The following TBL1X variants were observed in gnomAD, a reference collection of about 807,000 sequenced individuals.
TBL1X encodes the protein transducin beta like 1 X-linked, also known as F-box-like/WD repeat-containing protein TBL1X.
In TBL1X, 10 loss-of-function variants were observed where a neutral mutation model predicts 50.7. The ratio of observed to expected loss-of-function variants is 0.20; its 90% CI spans 0.12 to 0.33. The LOEUF (loss-of-function observed/expected upper bound fraction) is 0.33. TBL1X is among the 10% of genes least tolerant of loss of function. TBL1X has a pLI of 1.00. For missense variants in TBL1X, 340 were observed against 504.4 expected (o/e 0.67, Z 3.12); for synonymous variants, 190 against 214.7 (o/e 0.88, Z 1.01).
intron 1 of TBL1X, among the ~76,000 whole-genome samples, chrX:9,475,063 G>A (rs1024939468): frequency 2.7e-5 from 3 of 111,306 alleles, no homozygotes; most frequent in East Asian, 2.8e-4. Context: ...TAGTAGAGAC[G>A]GGGTTTTGCC....
rs1271091847 is a variant in TBL1X, at chrX:9,718,250, G to C, written c.*2004G>C. The C allele has an allele frequency of 9.0e-6, 1 of 111,278 alleles. No individual in the cohort carries two copies. Among genetic ancestry groups the C allele is most frequent in the Non-Finnish European group, 1.9e-5 (1 of 53,083 alleles). 9.2% of individuals were successfully genotyped at this position (111,278 alleles called of 1,213,427 possible). On this transcript the variant is annotated 3_prime_UTR_variant, in exon 18 of 18. Transcript: ENST00000645353. Reference sequence around the variant, plus strand: ...AACCCAGCCATCGGGGAAGGGTCAGGGCTTCTGTGGAACTTGGAACGTGCC... The same window carrying C: ...AACCCAGCCATCGGGGAAGGGTCAGCGCTTCTGTGGAACTTGGAACGTGCC...
intron 2 of TBL1X, among the ~76,000 whole-genome samples, chrX:9,604,256 T>C (rs1359976325): frequency 8.9e-6 from 1 of 111,834 alleles, no homozygotes; most frequent in Non-Finnish European, 1.9e-5. Flanking sequence ...AAAATTAATG[T>C]GTAAATGCGG....
rs112501544 is a variant in TBL1X at position 9,482,555 on chromosome X, A to G, written c.-201+17108A>G. On this transcript the variant is annotated intron_variant, in intron 1 of 17. Transcript: ENST00000645353. ...ACTGTTGACTTAAGTGTTGTACTAG[A>G]ACTGTGAGTAAGAACATTAACATCT... Among the ~76,000 whole-genome samples the G allele has an allele frequency of 2.5e-3, 275 of 112,131 alleles. 1 individual carries two copies. Among genetic ancestry groups the G allele is most frequent in the African/African-American group, 8.1e-3 (251 of 30,877 alleles).
chrX:9,535,506 T>TGG (rs1386117592), intron 2 of TBL1X, among the ~76,000 whole-genome samples: 1 of 112,347 alleles, frequency 8.9e-6, no homozygotes, highest in Non-Finnish European at 1.9e-5. Context: ...GTGAAAGTCT[T>TGG]CGGGTGTGTT....
intron 2 of TBL1X, among the ~76,000 whole-genome samples, chrX:9,639,030 T>C (rs780873991): frequency 5.4e-5 from 6 of 111,996 alleles, no homozygotes; most frequent in Admixed American, 9.5e-5. Flanking sequence ...AGTTTCACTC[T>C]CATTATTTTA....
At chrX:9,478,145 G>C (rs775830422) in intron 1 of TBL1X, among the ~76,000 whole-genome samples, 116 of 111,826 alleles carry the variant, frequency 1.0e-3, no homozygotes, top group African/African-American at 3.6e-3. Flanking sequence ...GAAGTAATTA[G>C]CTGGGAATCT....
At chrX:9,693,631 CT>C (rs2083112842) in intron 11 of TBL1X, among the ~76,000 whole-genome samples, 1 of 111,579 alleles carries the variant, frequency 9.0e-6, no homozygotes, top group Admixed American at 9.5e-5. Flanking sequence ...TCTGCAGACC[CT>C]CGTGCAAAGC....
chrX:9,699,189 C>T (rs186453641), intron 12 of TBL1X, among the ~76,000 whole-genome samples: 14 of 111,432 alleles, frequency 1.3e-4, no homozygotes, highest in African/African-American at 4.6e-4. Context: ...CCATGTTGGC[C>T]AGGCTGGTCT....
At chrX:9,503,789 C>T (rs931676044) in intron 2 of TBL1X, among the ~76,000 whole-genome samples, 2 of 112,749 alleles carry the variant, frequency 1.8e-5, no homozygotes, top group Non-Finnish European at 3.8e-5. Context: ...GAATTTGGAT[C>T]TCCTGGGCCT....
intron 5 of TBL1X, among the ~76,000 whole-genome samples, chrX:9,674,832 G>C (rs938476357): frequency 9.1e-6 from 1 of 109,718 alleles, no homozygotes; most frequent in Non-Finnish European, 1.9e-5. Context: ...CTTCCACCTC[G>C]ACCTTGCAAA....
chrX:9,550,210 AG>A (rs201622500), intron 2 of TBL1X, among the ~76,000 whole-genome samples: 2,183 of 111,149 alleles, frequency 0.02, 46 homozygotes, highest in African/African-American at 0.067. Context: ...TTGGGGGTGT[AG>A]GGGGTGGGGA....
chrX:9,620,822 A>C (rs1338995062), intron 2 of TBL1X, among the ~76,000 whole-genome samples: 1 of 111,992 alleles, frequency 8.9e-6, no homozygotes, highest in Non-Finnish European at 1.9e-5. Flanking sequence ...CACACTAACC[A>C]GTGGCTGGCT....
In TBL1X at chrX:9,709,237, C is replaced by T; in HGVS notation, c.1237-11C>T. 1 of 1,209,424 alleles carries T rather than the reference C, an allele frequency of 8.3e-7. No individual in the cohort carries two copies. Among genetic ancestry groups the T allele is most frequent in the Non-Finnish European group, 1.1e-6 (1 of 894,189 alleles). On this transcript the variant is annotated splice_polypyrimidine_tract_variant and intron_variant, in intron 13 of 17. Coordinates refer to ENST00000645353, the MANE Select transcript of TBL1X (RefSeq NM_005647.4). ...CTGATGTCTTTTTCACACTCTTCTG[C>T]TCTCTTTCAGAACGAGGTCAACGCC...
intron 2 of TBL1X, among the ~76,000 whole-genome samples, chrX:9,550,827 G>T (rs1018276230): frequency 8.9e-6 from 1 of 111,824 alleles, no homozygotes; most frequent in African/African-American, 3.3e-5. Flanking sequence ...CAGGGCAGTT[G>T]TGTTCCTTGG....
chrX:9,592,284 A>T (rs2082504446), intron 2 of TBL1X, among the ~76,000 whole-genome samples: 1 of 111,865 alleles, frequency 8.9e-6, no homozygotes. Flanking sequence ...CATTTTAAAG[A>T]AGCAGCATCA....
intron 12 of TBL1X, among the ~76,000 whole-genome samples, chrX:9,701,168 G>A (rs1279591716): frequency 1.8e-5 from 2 of 111,449 alleles, no homozygotes; most frequent in African/African-American, 3.3e-5. Context: ...CAACGCTACG[G>A]CTACGCGAAA....
At chrX:9,527,087 G>A (rs945691326) in intron 2 of TBL1X, among the ~76,000 whole-genome samples, 5 of 112,243 alleles carry the variant, frequency 4.5e-5, no homozygotes, top group Admixed American at 9.4e-5. Context: ...GAGGATCGCC[G>A]TGGATCACAC....
chrX:9,709,429 C>T, intron 14 of TBL1X, 107 bp downstream of exon 14: 1 of 982,549 alleles, frequency 1.0e-6, no homozygotes, highest in African/African-American at 1.9e-5. Context: ...TTACTGACCA[C>T]CCTCCCTTCC....
At chrX:9,694,685 T>TA (rs1343769188) in intron 11 of TBL1X, among the ~76,000 whole-genome samples, 2 of 111,890 alleles carry the variant, frequency 1.8e-5, no homozygotes, top group Middle Eastern at 4.6e-3. Context: ...TATAAAATGA[T>TA]AGAGTTGGCC....
Sources: gnomAD v4.1 joint callset for allele counts (sites outside exome capture counted in the v4.1 genomes callset) on GRCh38, gnomAD v4.1.1 for gene constraint, MANE v1.5 for transcripts, NCBI Gene and HGNC (gene_info 2026-07-23, HGNC 2026-07-21) for gene names.